Variants in DDX3X observed in about 807,000 individuals in gnomAD.
DDX3X encodes DEAD-box helicase 3 X-linked, also known as ATP-dependent RNA helicase DDX3X.
In DDX3X, 4 loss-of-function variants were observed where a neutral mutation model predicts 52.7. The observed-to-expected ratio is 0.08, with a 90% CI of 0.04 to 0.17. DDX3X has a LOEUF of 0.17. Ranked by LOEUF, DDX3X falls within the 10% of genes least tolerant of loss-of-function variation. DDX3X has a pLI of 1.00. For synonymous variants in DDX3X, 192 were observed against 178.1 expected, an observed-to-expected ratio of 1.08 and a Z score of -0.62; for missense variants, 222 against 548.6, an observed-to-expected ratio of 0.40 and a Z score of 5.95.
chrX:41,335,959 C>T (rs1165918533), intron 1 of DDX3X: 2 of 112,251 alleles, frequency 1.8e-5, no homozygotes, highest in Non-Finnish European at 3.8e-5. Context: ...TGTGTTCCTA[C>T]CGTGCTTTAA....
intron 5 of DDX3X, among the ~76,000 whole-genome samples, chrX:41,356,476 T>C (rs1487557823): frequency 9.2e-5 from 9 of 97,594 alleles, no homozygotes; most frequent in Middle Eastern, 5.0e-3. Context: ...TTTTTTTTTT[T>C]TGAGACGGAG....
intron 1 of DDX3X, chrX:41,334,653 G>T (rs1216206871): frequency 9.5e-7 from 1 of 1,054,083 alleles, no homozygotes; most frequent in African/African-American, 1.9e-5. Flanking sequence ...CAGCGCGGCG[G>T]GACGCGACTG....
intron 5 of DDX3X, among the ~76,000 whole-genome samples, chrX:41,362,636 G>A (rs765555195): frequency 2.2e-4 from 25 of 111,981 alleles, no homozygotes; most frequent in Non-Finnish European, 4.1e-4. Context: ...TCTCCTGAGA[G>A]GCTCTCCCTG....
intron 5 of DDX3X, among the ~76,000 whole-genome samples, chrX:41,356,624 A>G (rs1454771013): frequency 9.3e-6 from 1 of 107,708 alleles, no homozygotes; most frequent in Non-Finnish European, 1.9e-5. Flanking sequence ...ACACCTGGCT[A>G]ATTTTTATTT....
downstream of DDX3X, among the ~76,000 whole-genome samples, chrX:41,354,344 C>CTTTTTTTTTTTTTTTTTTTTT (rs60965317): frequency 4.3e-5 from 3 of 69,944 alleles, no homozygotes; most frequent in Non-Finnish European, 7.3e-5. Context: ...TGTGCTACCT[C>CTTTTTTTTTTTTTTTTTTTTT]TTTTTTTTTT....
At position 41,334,504 on chromosome X, in the gene DDX3X, C is replaced by T; in HGVS notation, c.45+207C>T. On this transcript the variant is annotated intron_variant, in intron 1 of 16. Transcript: ENST00000644876. ...GCCCGGTCTCGGCCCGCTGTATTGT[C>T]CCCGGGACGAGCACAATGGCGGCTT... The T allele has an allele frequency of 3.7e-6, 4 of 1,094,687 alleles. No individual in the cohort carries two copies. The South Asian group carries it at 6.7e-5, about 18-fold the overall frequency. 90.2% of individuals were successfully genotyped at this position (1,094,687 alleles called of 1,213,427 possible).
downstream of DDX3X, chrX:41,351,222 G>C (rs903523995): frequency 1.8e-5 from 2 of 111,721 alleles, no homozygotes; most frequent in African/African-American, 3.3e-5. Context: ...ATGACAATCT[G>C]CTCTGGAGGA....
downstream of DDX3X, chrX:41,350,928 AG>A (rs2063980319): frequency 8.9e-6 from 1 of 112,052 alleles, no homozygotes; most frequent in African/African-American, 3.2e-5. Flanking sequence ...GAAGGTTTGC[AG>A]TATGATTAAG....
intron 12 of DDX3X, chrX:41,345,830 A>C (rs1378683231): frequency 3.6e-6 from 1 of 277,421 alleles, no homozygotes; most frequent in Non-Finnish European, 6.3e-6. Flanking sequence ...CTCCTGCCTC[A>C]GTCTCCAGAG....
At chrX:41,358,434 T>C (rs2064017543) in intron 5 of DDX3X, among the ~76,000 whole-genome samples, 1 of 111,631 alleles carries the variant, frequency 9.0e-6, no homozygotes, top group Admixed American at 9.6e-5. Flanking sequence ...AAATGCAGTA[T>C]TCAGCTAATC....
rs1215839614 is a variant in DDX3X at position 41,348,239 on chromosome X, A to G, written c.*520A>G. On this transcript the variant is annotated 3_prime_UTR_variant, in exon 17 of 17. Transcript: ENST00000644876. ...CGGTAGCCTGCATTAGGGCTTTTTG[A>G]TACTTGCAGATTGGGGGAAAACAAC... The G allele has an allele frequency of 2.5e-5, 4 of 160,558 alleles. No homozygotes were observed. The East Asian group carries it at 3.9e-4, about 16-fold the overall frequency. 13.2% of individuals were successfully genotyped at this position (160,558 alleles called of 1,213,427 possible).
rs1454645098 is a variant in DDX3X, at chrX:41,346,842, T to C, written c.1616-17T>C. On this transcript the variant is annotated splice_polypyrimidine_tract_variant and intron_variant, in intron 14 of 16. Transcript: ENST00000644876. ...TGGAAGACCTTTGTTTATATACTTT[T>C]TTGGGAACTCTTTTAGGCCTGGCAA... 32 of 1,190,245 alleles carry C rather than the reference T, an allele frequency of 2.7e-5. No individual in the cohort carries two copies. Among genetic ancestry groups the C allele is most frequent in the Non-Finnish European group, 3.5e-5 (31 of 883,064 alleles).
At chrX:41,359,921 G>A (rs975605435) in intron 5 of DDX3X, among the ~76,000 whole-genome samples, 1 of 109,751 alleles carries the variant, frequency 9.1e-6, no homozygotes, top group African/African-American at 3.3e-5. Flanking sequence ...GGTGGAGCTT[G>A]CAGTGAGCCG....
At chrX:41,344,638 A>G (rs2063898727) in intron 10 of DDX3X, 3 of 380,149 alleles carry the variant, frequency 7.9e-6, no homozygotes, top group Non-Finnish European at 1.4e-5. Flanking sequence ...GGGTTTCTCC[A>G]TGTTGGTCAG....
At chrX:41,364,072 A>G (rs1341830453) in intron 5 of DDX3X, among the ~76,000 whole-genome samples, 2 of 111,524 alleles carry the variant, frequency 1.8e-5, no homozygotes, top group African/African-American at 6.5e-5. Flanking sequence ...CAGAACCCCA[A>G]TTTGGTTCAG....
At chrX:41,334,664 G>C in intron 1 of DDX3X, 2 of 1,046,016 alleles carry the variant, frequency 1.9e-6, no homozygotes, top group Non-Finnish European at 2.5e-6. Flanking sequence ...GACGCGACTG[G>C]AGGCCCTTTT....
intron 2 of DDX3X, chrX:41,338,220 CTTA>C (rs2063798693): frequency 9.0e-6 from 1 of 110,696 alleles, no homozygotes; most frequent in Non-Finnish European, 1.9e-5. Context: ...TCTCTTCCTA[CTTA>C]TTAAAACAAA....
intron 15 of DDX3X, 122 bp from the exon 16 acceptor site, chrX:41,347,190 A>G: frequency 2.1e-6 from 2 of 968,537 alleles, no homozygotes; most frequent in Non-Finnish European, 2.9e-6. Flanking sequence ...TCTGTTGGGG[A>G]AAATATGGCT....
Position 41,349,451 on chromosome X carries a change from G to A in DDX3X, c.*1732G>A, listed in dbSNP as rs2063963998. The A allele has an allele frequency of 8.9e-6, 1 of 111,865 alleles. No homozygotes were observed. The highest frequency in any genetic ancestry group is 3.3e-5 in the African/African-American group (1 of 30,714). 9.2% of individuals were successfully genotyped at this position (111,865 alleles called of 1,213,427 possible). ...TTGGGACCATGGGAATGATAGTTGG[G>A]AAGAAAACTATTTGCACACGACAGA... On this transcript the variant is annotated 3_prime_UTR_variant, in exon 17 of 17. Coordinates refer to ENST00000644876, the MANE Select transcript of DDX3X (RefSeq NM_001356.5).
Sources: allele counts gnomAD v4.1 joint callset (sites outside exome capture counted in the v4.1 genomes callset), GRCh38; gene constraint gnomAD v4.1.1; transcripts MANE v1.5; gene names NCBI Gene and HGNC (gene_info 2026-07-23, HGNC 2026-07-21).